Variants in PDE4B observed in about 807,000 individuals in gnomAD.
PDE4B encodes the protein 3',5'-cyclic-AMP phosphodiesterase 4B.
Under a neutral mutation model 82.2 loss-of-function variants are expected in PDE4B, and 20 were observed. The ratio of observed to expected loss-of-function variants is 0.24; its 90% confidence interval spans 0.17 to 0.35. PDE4B has a LOEUF of 0.35. Among genes scored for constraint, PDE4B ranks in the 10% least tolerant of loss-of-function variants. PDE4B has a pLI of 1.00. For missense variants in PDE4B, 655 were observed against 907.2 expected, an observed-to-expected ratio of 0.72 and a Z score of 3.57; for synonymous variants, 320 against 318.9, an observed-to-expected ratio of 1.00 and a Z score of -0.04.
intron 1 of PDE4B, among the ~76,000 whole-genome samples, chr1:65,830,298 A>G (rs1047968235): frequency 1.3e-5 from 2 of 152,222 alleles, no homozygotes; most frequent in Non-Finnish European, 2.9e-5. Flanking sequence ...GAAATATTAC[A>G]TAATCTATGA....
chr1:66,194,307 A>C (rs1192080303), intron 3 of PDE4B, among the ~76,000 whole-genome samples: 1 of 152,154 alleles, frequency 6.6e-6, no homozygotes, highest in African/African-American at 2.4e-5. Context: ...ATCTAATAGC[A>C]TACTTAGCTA....
chr1:65,856,938 G>A (rs1178085545), intron 1 of PDE4B, among the ~76,000 whole-genome samples: 2 of 152,176 alleles, frequency 1.3e-5, no homozygotes, highest in African/African-American at 4.8e-5. Flanking sequence ...TGCCTTGTCA[G>A]TGGATAGTGT....
At chr1:65,988,479 A>G (rs918448747) in intron 3 of PDE4B, among the ~76,000 whole-genome samples, 1 of 152,144 alleles carries the variant, frequency 6.6e-6, no homozygotes, top group Non-Finnish European at 1.5e-5. Flanking sequence ...TCTTTGACTG[A>G]AGGAAGGGAT....
chr1:65,894,927 C>A (rs927184367), intron 1 of PDE4B, among the ~76,000 whole-genome samples: 11 of 152,138 alleles, frequency 7.2e-5, no homozygotes, highest in African/African-American at 2.7e-4. Context: ...TCATACACTG[C>A]TGCTGGGAAT....
rs183394867 is a variant in PDE4B at position 66,308,900 on chromosome 1, T to A, written c.635-23608T>A. Among the ~76,000 whole-genome samples, 4 of 152,306 alleles carry A rather than the reference T, an allele frequency of 2.6e-5. No homozygotes were observed. In the East Asian group the frequency reaches 5.8e-4, roughly 22 times the overall value. On this transcript the variant is annotated intron_variant, in intron 7 of 16. Transcript: ENST00000341517. ...TTTAGATATAGTTACTAAAAAATTA[T>A]AAGAAAGTTCTGCATGTTCTACTCT...
intron 10 of PDE4B, among the ~76,000 whole-genome samples, chr1:66,362,250 C>T (rs1662838263): frequency 6.6e-6 from 1 of 152,008 alleles, no homozygotes; most frequent in Non-Finnish European, 1.5e-5. Flanking sequence ...TGCCAAGGAC[C>T]AATGGGAAAA....
intron 7 of PDE4B, among the ~76,000 whole-genome samples, chr1:66,272,204 C>G (rs1270807322): frequency 2.6e-5 from 4 of 152,186 alleles, no homozygotes; most frequent in Non-Finnish European, 4.4e-5. Flanking sequence ...GTGCCTCTTT[C>G]TGGGCATTCT....
At chr1:66,226,138 AT>A (rs1199826108) in intron 3 of PDE4B, among the ~76,000 whole-genome samples, 2 of 152,142 alleles carry the variant, frequency 1.3e-5, no homozygotes, top group Admixed American at 1.3e-4. Context: ...TTTTAACTTA[AT>A]TTTTTAAAGC....
intron 3 of PDE4B, among the ~76,000 whole-genome samples, chr1:66,067,363 A>T (rs61796610): frequency 1.3e-5 from 2 of 151,806 alleles, no homozygotes; most frequent in South Asian, 4.2e-4. Flanking sequence ...GTTTCCTGAC[A>T]TTTTAATGAT....
intron 3 of PDE4B, among the ~76,000 whole-genome samples, chr1:66,022,293 C>G (rs1653173135): frequency 6.6e-6 from 1 of 152,030 alleles, no homozygotes; most frequent in Non-Finnish European, 1.5e-5. Flanking sequence ...AATTGAATAC[C>G]CTGTATTTCT....
intron 3 of PDE4B, among the ~76,000 whole-genome samples, chr1:66,219,647 G>A (rs1401083213): frequency 1.3e-5 from 2 of 152,132 alleles, no homozygotes; most frequent in Non-Finnish European, 2.9e-5. Flanking sequence ...GACATGTGAA[G>A]AGGTGTCACT....
At chr1:65,798,111 G>A (rs923369124) in intron 1 of PDE4B, among the ~76,000 whole-genome samples, 3 of 151,876 alleles carry the variant, frequency 2.0e-5, no homozygotes, top group East Asian at 1.9e-4. Flanking sequence ...TCTGCCTCTC[G>A]GGTTCAAGCA....
chr1:66,140,697 G>A (rs1646153930), intron 3 of PDE4B, among the ~76,000 whole-genome samples: 1 of 152,208 alleles, frequency 6.6e-6, no homozygotes. Flanking sequence ...TTGAGGATAA[G>A]AGGGTATTAT....
At chr1:65,828,029 A>G (rs1646039192) in intron 1 of PDE4B, among the ~76,000 whole-genome samples, 1 of 152,196 alleles carries the variant, frequency 6.6e-6, no homozygotes, top group South Asian at 2.1e-4. Context: ...TCAAGCCAGA[A>G]TTCTATATTT....
chr1:66,162,288 A>G (rs1646630806), intron 3 of PDE4B, among the ~76,000 whole-genome samples: 1 of 138,366 alleles, frequency 7.2e-6, no homozygotes. Context: ...CTTTGGTGGT[A>G]AGGTTCATGG....
chr1:65,970,467 T>G (rs1161462183), intron 3 of PDE4B, among the ~76,000 whole-genome samples: 1 of 152,150 alleles, frequency 6.6e-6, no homozygotes, highest in African/African-American at 2.4e-5. Flanking sequence ...CATACTTTAT[T>G]CACTTAACCA....
intron 3 of PDE4B, among the ~76,000 whole-genome samples, chr1:66,191,372 A>G (rs1367585665): frequency 6.6e-6 from 1 of 152,136 alleles, no homozygotes; most frequent in African/African-American, 2.4e-5. Flanking sequence ...TTTATTAGAG[A>G]GTTTAGGTTA....
At chr1:65,968,558 A>T (rs1379260569) in intron 3 of PDE4B, among the ~76,000 whole-genome samples, 2 of 151,850 alleles carry the variant, frequency 1.3e-5, no homozygotes, top group Non-Finnish European at 2.9e-5. Context: ...AGTTATTCTT[A>T]TTGGGAGAAT....
intron 1 of PDE4B, among the ~76,000 whole-genome samples, chr1:65,901,507 G>A (rs1381562059): frequency 1.3e-5 from 2 of 152,030 alleles, no homozygotes; most frequent in Admixed American, 6.6e-5. Context: ...GGTAAAATTT[G>A]TCTGTGAGTC....
Sources: allele counts gnomAD v4.1 joint callset (sites outside exome capture counted in the v4.1 genomes callset), GRCh38; gene constraint gnomAD v4.1.1; transcripts MANE v1.5; gene names NCBI Gene and HGNC (gene_info 2026-07-23, HGNC 2026-07-21).